Variants in RTTN observed in about 807,000 individuals in gnomAD.
RTTN encodes rotatin.
Under a neutral mutation model 269.2 loss-of-function variants are expected in RTTN, and 182 were observed. The observed-to-expected ratio is 0.68, with a 90% confidence interval of 0.60 to 0.76. RTTN has a LOEUF of 0.76. RTTN is among the 30% of genes least tolerant of loss of function. RTTN has a pLI of 0.00. For missense variants in RTTN, 2,545 were observed against 2,608.6 expected, an observed-to-expected ratio of 0.98 and a Z score of 0.53; for synonymous variants, 1,006 against 963.5, an observed-to-expected ratio of 1.04 and a Z score of -0.82.
At chr18:70,081,591 C>T (rs1241951347) in intron 32 of RTTN, among the ~76,000 whole-genome samples, 4 of 152,048 alleles carry the variant, frequency 2.6e-5, no homozygotes, top group Non-Finnish European at 5.9e-5. Context: ...AAATCTAAAC[C>T]TGGGGAAAAG....
In RTTN at chr18:70,196,483, A is replaced by T; in HGVS notation, c.841+18T>A. 1 of 1,599,554 alleles carries T rather than the reference A, an allele frequency of 6.3e-7. No homozygotes were observed. Among genetic ancestry groups the T allele is most frequent in the Non-Finnish European group, 8.5e-7 (1 of 1,173,758 alleles). ...TACAAATAACACCAGTGGCTAATGA[A>T]CAGATAAAAATAAATACCGTGTTTA... On this transcript the variant is annotated intron_variant, in intron 7 of 48. Coordinates refer to ENST00000640769, the MANE Select transcript of RTTN (RefSeq NM_173630.4).
chr18:70,141,880 C>G (rs558163869), intron 19 of RTTN, among the ~76,000 whole-genome samples: 7 of 152,220 alleles, frequency 4.6e-5, no homozygotes, highest in Admixed American at 1.3e-4. Context: ...CAAGATGGTA[C>G]AGATTGAAAA....
chr18:70,199,001 A>G (rs1336683269), intron 5 of RTTN, among the ~76,000 whole-genome samples: 1 of 152,182 alleles, frequency 6.6e-6, no homozygotes, highest in Non-Finnish European at 1.5e-5. Flanking sequence ...AGCTTGGCCA[A>G]CGTGGGGAAA....
chr18:70,047,787 C>T (rs756782014), intron 40 of RTTN, among the ~76,000 whole-genome samples, 184 bp downstream of exon 40: 7 of 152,078 alleles, frequency 4.6e-5, no homozygotes, highest in South Asian at 2.1e-4. Context: ...TCAACATAAG[C>T]GGGTGGGGCT....
chr18:70,150,967 C>T (rs975074681), intron 14 of RTTN, among the ~76,000 whole-genome samples: 5 of 151,552 alleles, frequency 3.3e-5, no homozygotes, highest in African/African-American at 9.7e-5. Flanking sequence ...AGTAAACAAA[C>T]GGCTGAGACA....
intron 35 of RTTN, chr18:70,061,346 G>A (rs752553046): frequency 7.7e-5 from 35 of 455,978 alleles, no homozygotes; most frequent in Non-Finnish European, 1.5e-4. Context: ...GGTTCATCTT[G>A]TTCTTTCCTC....
rs773144690 is a variant in RTTN, at chr18:70,190,686, C to T, written c.1041G>A (p.Arg347=). The part of the protein sequence containing the change: ...GSSSHAHVNS[R]ISVHSPLDMG... ...TATCCAAAGGTGAATGAACGGATAT[C>T]CTGGAGTTTACATGAGCATGACTAC... is the stretch of plus-strand genomic sequence containing the variant. The change falls in exon 9 of 49, where the codon AGG becomes AGA. Residue 347 remains arginine (R), a synonymous_variant. Coordinates refer to ENST00000640769, the MANE Select transcript of RTTN (RefSeq NM_173630.4). The T allele has an allele frequency of 6.8e-6, 11 of 1,611,682 alleles. No homozygotes were observed. Among genetic ancestry groups the T allele is most frequent in the Non-Finnish European group, 8.5e-6 (10 of 1,178,164 alleles).
intron 14 of RTTN, among the ~76,000 whole-genome samples, chr18:70,153,616 C>T (rs559473782): frequency 6.6e-6 from 1 of 152,294 alleles, no homozygotes; most frequent in African/African-American, 2.4e-5. Flanking sequence ...AAGTAACCTC[C>T]ACATTACTAG....
intron 9 of RTTN, among the ~76,000 whole-genome samples, chr18:70,189,515 G>A (rs913751179): frequency 1.4e-4 from 22 of 152,130 alleles, no homozygotes; most frequent in African/African-American, 5.3e-4. Context: ...TAGATTTTGA[G>A]AATAAAAATC....
intron 11 of RTTN, among the ~76,000 whole-genome samples, chr18:70,172,875 T>C (rs929129791): frequency 5.3e-5 from 8 of 152,184 alleles, no homozygotes; most frequent in African/African-American, 1.7e-4. Flanking sequence ...AGATTGACCA[T>C]TTGCAATACT....
rs190472820 is a variant in RTTN at position 70,117,514 on chromosome 18, T to C, written c.3529-2915A>G. On this transcript the variant is annotated intron_variant, in intron 26 of 48. Transcript: ENST00000640769. ...ATTTATAACACTTGTGGTGATAATA[T>C]ATGAGATAAAGTAGAAGCTTTCCGA... Among the ~76,000 whole-genome samples, 261 of 152,160 alleles carry C rather than the reference T, an allele frequency of 1.7e-3. 2 individuals are homozygous for C. The highest frequency in any genetic ancestry group is 6.1e-3 in the African/African-American group (252 of 41,564).
chr18:70,176,610 T>C (rs2061307774), intron 11 of RTTN, 65 bp downstream of exon 11: 1 of 1,420,604 alleles, frequency 7.0e-7, no homozygotes, highest in East Asian at 2.4e-5. Context: ...GCAGAAGAAA[T>C]TTACAACAGA....
At chr18:70,053,489 A>G (rs943226132) in intron 38 of RTTN, 3 of 152,210 alleles carry the variant, frequency 2.0e-5, no homozygotes, top group African/African-American at 4.8e-5. Flanking sequence ...TTTGCTGGGT[A>G]TCATAACACA....
chr18:70,101,871 A>T (rs534631101), intron 28 of RTTN, among the ~76,000 whole-genome samples: 14 of 152,184 alleles, frequency 9.2e-5, no homozygotes, highest in Non-Finnish European at 2.1e-4. Context: ...TTCAGTTTCC[A>T]TGTAGTTGAG....
intron 14 of RTTN, among the ~76,000 whole-genome samples, chr18:70,152,431 A>T (rs1052118725): frequency 1.6e-4 from 24 of 152,182 alleles, no homozygotes; most frequent in Admixed American, 7.2e-4. Context: ...TCAATGAGAT[A>T]ATATACTTAT....
In RTTN at chr18:70,187,745, A is replaced by T. The variant is rs565073562; in HGVS notation, c.1305+363T>A. Among the ~76,000 whole-genome samples, 7 of 152,370 alleles carry T rather than the reference A, an allele frequency of 4.6e-5. No homozygotes were observed. The East Asian group carries it at 1.3e-3, about 29-fold the overall frequency. ...AATTATGCTGATATTGCTAGGAACG[A>T]AGACTTTCTACAAGCGCAAGGATAA... On this transcript the variant is annotated intron_variant, in intron 10 of 48. Transcript: ENST00000640769.
intron 9 of RTTN, 121 bp downstream of exon 9, chr18:70,190,417 C>A: frequency 1.7e-6 from 1 of 591,250 alleles, no homozygotes; most frequent in Non-Finnish European, 2.7e-6. Context: ...ATTTATATCC[C>A]AAAAGATAAG....
intron 10 of RTTN, among the ~76,000 whole-genome samples, chr18:70,180,516 A>G (rs559511062): frequency 1.3e-5 from 2 of 148,390 alleles, no homozygotes; most frequent in African/African-American, 4.9e-5. Context: ...CAGGAGGCGG[A>G]GGTTGCAGTG....
intron 36 of RTTN, among the ~76,000 whole-genome samples, chr18:70,058,889 G>A (rs947900072): frequency 6.6e-6 from 1 of 152,200 alleles, no homozygotes; most frequent in Non-Finnish European, 1.5e-5. Flanking sequence ...TGAATGAGGT[G>A]AAACAAGGAA....
Sources: gnomAD v4.1 joint callset for allele counts (sites outside exome capture counted in the v4.1 genomes callset) on GRCh38, gnomAD v4.1.1 for gene constraint, MANE v1.5 for transcripts, NCBI Gene and HGNC (gene_info 2026-07-23, HGNC 2026-07-21) for gene names.